HIVEP1: variants seen among roughly 807,000 people sequenced by gnomAD.
The protein encoded by HIVEP1 is zinc finger protein 40.
HIVEP1 carries 36 observed loss-of-function variants against 180.0 expected under a neutral mutation model. That is an observed-to-expected ratio of 0.20 (90% CI 0.15 to 0.26). The LOEUF (loss-of-function observed/expected upper bound fraction) is 0.26, where lower values mean the gene tolerates loss of function less well. Ranked by LOEUF, HIVEP1 falls within the 10% of genes least tolerant of loss-of-function variation. The pLI, the probability that HIVEP1 is intolerant of heterozygous loss-of-function variation, is 1.00. For missense variants in HIVEP1, 3,143 were observed against 3,268.7 expected (o/e 0.96, Z 0.94); for synonymous variants, 1,239 against 1,239.0 (o/e 1.00, Z 0.00).
intron 3 of HIVEP1, among the ~76,000 whole-genome samples, chr6:12,113,453 G>A (rs770077881): frequency 2.6e-5 from 4 of 152,042 alleles, no homozygotes; most frequent in South Asian, 2.1e-4. Context: ...GAAGCGGAGT[G>A]AGTCAGGGGA....
rs1196133894 is a variant in HIVEP1, at chr6:12,125,512, A to G, written c.5717A>G (p.Lys1906Arg). The G allele has an allele frequency of 6.2e-7, 1 of 1,614,192 alleles. No homozygotes were observed. The highest frequency in any genetic ancestry group is 8.5e-7 in the Non-Finnish European group (1 of 1,180,006). The change falls in exon 4 of 9, where the codon AAA becomes AGA. Residue 1906 changes from lysine (K) to arginine (R), a missense_variant. Lys to Arg is a conservative substitution (Grantham distance 26, BLOSUM62 2). Transcript: ENST00000379388. ...KSPGVKNQGD[K>R]VNIQEQSQQP... ...CCAGGGGTTAAAAATCAAGGTGACA[A>G]AGTGAACATCCAAGAGCAAAGTCAA...
intron 2 of HIVEP1, among the ~76,000 whole-genome samples, chr6:12,074,697 A>G (rs112833238): frequency 0.15 from 23,228 of 151,040 alleles, 2,358 homozygotes; most frequent in Non-Finnish European, 0.23. Context: ...TACGCTGGTC[A>G]TGAGATTTTT....
At chr6:12,044,431 C>G (rs139821525) in intron 2 of HIVEP1, among the ~76,000 whole-genome samples, 26 of 152,238 alleles carry the variant, frequency 1.7e-4, no homozygotes, top group African/African-American at 6.3e-4. Context: ...CTTTCCTTTC[C>G]CCACCCCTCA....
intron 2 of HIVEP1, among the ~76,000 whole-genome samples, chr6:12,044,996 T>A (rs185683122): frequency 6.6e-6 from 1 of 152,382 alleles, no homozygotes; most frequent in Admixed American, 6.5e-5. Flanking sequence ...ATTTGCTTTT[T>A]AAGAAGGTTC....
intron 2 of HIVEP1, among the ~76,000 whole-genome samples, chr6:12,055,219 A>G (rs1218313453): frequency 6.6e-6 from 1 of 152,258 alleles, no homozygotes; most frequent in Admixed American, 6.5e-5. Flanking sequence ...TCACGCCTGT[A>G]ATCCCATCAC....
At chr6:12,161,977 A>G (rs201224270) in intron 8 of HIVEP1, 48 bp downstream of exon 8, 8 of 1,512,038 alleles carry the variant, frequency 5.3e-6, no homozygotes, top group Admixed American at 2.0e-5. Context: ...GTTTTAACCT[A>G]TTAAATATGG....
chr6:12,107,692 G>A (rs1206866976), intron 3 of HIVEP1, among the ~76,000 whole-genome samples: 2 of 152,190 alleles, frequency 1.3e-5, no homozygotes, highest in African/African-American at 2.4e-5. Context: ...AGGCAGTGTG[G>A]ACCCAAGAGT....
chr6:12,189,542 T>C, the HIVEP1 span, among the ~76,000 whole-genome samples: 1 of 152,164 alleles, frequency 6.6e-6, no homozygotes, highest in Non-Finnish European at 1.5e-5. Flanking sequence ...TCTACCTCAT[T>C]CATAAGTGAA....
chr6:12,027,678 G>A (rs1768673730), intron 2 of HIVEP1, among the ~76,000 whole-genome samples: 1 of 152,194 alleles, frequency 6.6e-6, no homozygotes, highest in Non-Finnish European at 1.5e-5. Context: ...TGCGCCTTCT[G>A]ACAAATGAGC....
chr6:12,025,579 G>GA (rs1385385639), intron 2 of HIVEP1, among the ~76,000 whole-genome samples: 18 of 152,184 alleles, frequency 1.2e-4, no homozygotes, highest in Admixed American at 1.2e-3. Context: ...TGAAGGCTTA[G>GA]AAAATATTTC....
intron 2 of HIVEP1, among the ~76,000 whole-genome samples, chr6:12,034,372 A>G (rs1004443354): frequency 6.6e-6 from 1 of 152,228 alleles, no homozygotes; most frequent in African/African-American, 2.4e-5. Context: ...TAGACCTTTT[A>G]TTCTTTGCAG....
At chr6:12,066,126 T>C (rs919699615) in intron 2 of HIVEP1, among the ~76,000 whole-genome samples, 18 of 152,126 alleles carry the variant, frequency 1.2e-4, no homozygotes, top group African/African-American at 4.1e-4. Flanking sequence ...GTGTTGTTCA[T>C]TCAAGAGGAG....
chr6:12,089,981 A>G (rs1227872063), intron 3 of HIVEP1, among the ~76,000 whole-genome samples: 4 of 152,068 alleles, frequency 2.6e-5, no homozygotes, highest in Admixed American at 6.6e-5. Context: ...ACTCATTTAT[A>G]TGCCTTTGTA....
chr6:12,056,660 C>T (rs1458610147), intron 2 of HIVEP1, among the ~76,000 whole-genome samples: 4 of 151,896 alleles, frequency 2.6e-5, no homozygotes, highest in Non-Finnish European at 4.4e-5. Context: ...ATTACATTGT[C>T]CAGGACTCTA....
Position 12,125,270 on chromosome 6 carries a change from T to C in HIVEP1, c.5475T>C (p.Asn1825=). 6.2e-7 allele frequency: 1 copy of C among 1,614,092 alleles called. No individual in the cohort carries two copies. Among genetic ancestry groups the C allele is most frequent in the Non-Finnish European group, 8.5e-7 (1 of 1,179,966 alleles). ...TTTTTTCTCAACCTGAAATTAGTAA[T>C]GAGGCTGTTAATTTGACAAATGTTT... ...KDVFSQPEIS[N]EAVNLTNVLP... is the part of the protein sequence containing the mutation. Residue 1825 remains asparagine, a synonymous_variant, in exon 4 of 9, where the codon AAT becomes AAC. Coordinates refer to ENST00000379388, the MANE Select transcript of HIVEP1 (RefSeq NM_002114.4).
At chr6:12,205,177 A>G in the HIVEP1 span, among the ~76,000 whole-genome samples, 1 of 152,198 alleles carries the variant, frequency 6.6e-6, no homozygotes, top group Admixed American at 6.5e-5. Context: ...CAGTAAAAAA[A>G]TTTGAACAAA....
chr6:12,153,525 G>A (rs758626023), intron 7 of HIVEP1, among the ~76,000 whole-genome samples: 10 of 137,580 alleles, frequency 7.3e-5, no homozygotes, highest in Admixed American at 4.0e-4. Flanking sequence ...GGCTGCAACC[G>A]GAATAGAGCC....
downstream of HIVEP1, among the ~76,000 whole-genome samples, chr6:12,169,471 A>C (rs571893612): frequency 6.6e-6 from 1 of 152,288 alleles, no homozygotes; most frequent in South Asian, 2.1e-4. Context: ...TCCAGTAATA[A>C]TTTAAGTACC....
At chr6:12,105,993 C>CAT (rs1005208903) in intron 3 of HIVEP1, among the ~76,000 whole-genome samples, 14 of 150,988 alleles carry the variant, frequency 9.3e-5, no homozygotes, top group South Asian at 2.1e-4. Context: ...TACATATATA[C>CAT]ATATATATAT....
Sources: gnomAD v4.1 joint callset for allele counts (sites outside exome capture counted in the v4.1 genomes callset) on GRCh38, gnomAD v4.1.1 for gene constraint, MANE v1.5 for transcripts, NCBI Gene and HGNC (gene_info 2026-07-23, HGNC 2026-07-21) for gene names.